The following HPSE2 variants were observed in gnomAD, a reference collection of about 807,000 sequenced individuals.
HPSE2 encodes the protein inactive heparanase-2.
A neutral mutation model predicts 60.5 loss-of-function variants in HPSE2; 38 were observed. That is an observed-to-expected ratio of 0.63 (90% CI 0.48 to 0.82). The LOEUF is 0.82. Ranked by LOEUF, HPSE2 falls within the 40% of genes least tolerant of loss-of-function variation. The pLI is 0.00. For synonymous variants in HPSE2, 295 were observed against 293.2 expected (o/e 1.01, Z -0.06); for missense variants, 713 against 740.4 (o/e 0.96, Z 0.43).
rs551015937 is a variant in HPSE2 at position 98,895,238 on chromosome 10, T to A, written c.611-151182A>T. 3.3e-4 allele frequency among the ~76,000 whole-genome samples: 50 copies of A among 152,258 alleles called. 1 individual carries two copies. In the South Asian group the frequency reaches 8.7e-3, roughly 27 times the overall value. ...TACAGCTGATCATACATATGATTTT[T>A]TCAGGTAAGAAAAAAATAGCATATA... On this transcript the variant is annotated intron_variant, in intron 3 of 11. Transcript: ENST00000370552.
rs138100751 is a variant in HPSE2, at chr10:99,097,950, T to C, written c.610+46288A>G. On this transcript the variant is annotated intron_variant, in intron 3 of 11. Coordinates refer to ENST00000370552, the MANE Select transcript of HPSE2 (RefSeq NM_021828.5). ...TCATGAAGTTGTCAAGACTCTGATG[T>C]GGCTAGGGCTTCTATGGCTATAACT... Among the ~76,000 whole-genome samples, 998 of 152,356 alleles carry C rather than the reference T, an allele frequency of 6.6e-3. 3 individuals are homozygous for C. Among genetic ancestry groups the C allele is most frequent in the Non-Finnish European group, 0.011 (757 of 68,026 alleles).
intron 3 of HPSE2, among the ~76,000 whole-genome samples, chr10:99,134,816 G>A (rs182032684): frequency 1.3e-5 from 2 of 152,136 alleles, no homozygotes; most frequent in East Asian, 3.9e-4. Context: ...ATCAACTAAT[G>A]GGCAAAACAA....
At chr10:98,765,578 G>A (rs1195343330) in intron 3 of HPSE2, among the ~76,000 whole-genome samples, 1 of 152,130 alleles carries the variant, frequency 6.6e-6, no homozygotes, top group South Asian at 2.1e-4. Flanking sequence ...GGTGGCTCAC[G>A]TCTGTAATCC....
chr10:98,974,152 T>C (rs762607471), intron 3 of HPSE2, among the ~76,000 whole-genome samples: 26 of 151,708 alleles, frequency 1.7e-4, no homozygotes, highest in Non-Finnish European at 3.7e-4. Flanking sequence ...ATTAGCCAGG[T>C]GTGGTGGTGT....
At chr10:98,927,433 A>C (rs1331256165) in intron 3 of HPSE2, among the ~76,000 whole-genome samples, 1 of 150,874 alleles carries the variant, frequency 6.6e-6, no homozygotes, top group Non-Finnish European at 1.5e-5. Context: ...TATAGATTCA[A>C]TGCCATCCCC....
intron 3 of HPSE2, among the ~76,000 whole-genome samples, chr10:98,800,331 T>C (rs550588296): frequency 3.3e-5 from 5 of 151,394 alleles, no homozygotes; most frequent in Non-Finnish European, 7.4e-5. Context: ...ATTGCACCAC[T>C]GCACTCTACC....
At chr10:98,513,097 G>A (rs185247812) in intron 9 of HPSE2, among the ~76,000 whole-genome samples, 4 of 152,246 alleles carry the variant, frequency 2.6e-5, no homozygotes, top group African/African-American at 9.6e-5. Flanking sequence ...TTTTCTCACA[G>A]ATGTATCCCT....
chr10:98,512,194 T>A (rs1276829885), intron 9 of HPSE2, among the ~76,000 whole-genome samples: 1 of 152,202 alleles, frequency 6.6e-6, no homozygotes. Flanking sequence ...GACTTAAGCA[T>A]CTTTGGAAAT....
At chr10:99,311,457 AT>A in the HPSE2 span, among the ~76,000 whole-genome samples, 1 of 152,090 alleles carries the variant, frequency 6.6e-6, no homozygotes, top group East Asian at 1.9e-4. Flanking sequence ...CATTATGATT[AT>A]TATGTTTGTT....
At chr10:98,820,581 C>A (rs1951401403) in intron 3 of HPSE2, among the ~76,000 whole-genome samples, 2 of 152,172 alleles carry the variant, frequency 1.3e-5, no homozygotes, top group Admixed American at 1.3e-4. Context: ...GTATGGCCTT[C>A]TATCAAAAGA....
At chr10:99,161,218 T>G (rs1259702843) in intron 2 of HPSE2, among the ~76,000 whole-genome samples, 1 of 132,814 alleles carries the variant, frequency 7.5e-6, no homozygotes, top group South Asian at 2.4e-4. Flanking sequence ...GAGACTCTGT[T>G]AAAAAAAAAA....
chr10:99,238,774 T>C (rs1045025009), upstream of HPSE2, among the ~76,000 whole-genome samples: 1 of 152,228 alleles, frequency 6.6e-6, no homozygotes, highest in African/African-American at 2.4e-5. Flanking sequence ...GTTTCTATCC[T>C]ATCTTCTGTG....
At chr10:99,035,750 G>A (rs1400933339) in intron 3 of HPSE2, among the ~76,000 whole-genome samples, 1 of 152,180 alleles carries the variant, frequency 6.6e-6, no homozygotes, top group Non-Finnish European at 1.5e-5. Context: ...TTTTCAGGCA[G>A]GAATTTTTCT....
At chr10:99,160,756 G>A (rs573905956) in intron 2 of HPSE2, among the ~76,000 whole-genome samples, 61 of 151,228 alleles carry the variant, frequency 4.0e-4, no homozygotes, top group Admixed American at 2.8e-3. Flanking sequence ...AAAATTAGCC[G>A]GGCGTAGTGG....
chr10:99,218,175 A>C (rs1178083596), intron 2 of HPSE2, among the ~76,000 whole-genome samples: 1 of 151,778 alleles, frequency 6.6e-6, no homozygotes, highest in Non-Finnish European at 1.5e-5. Context: ...CCCATCCTAC[A>C]GGTAAGTAAC....
intron 3 of HPSE2, among the ~76,000 whole-genome samples, chr10:99,010,352 A>G (rs1956984855): frequency 6.6e-6 from 1 of 152,212 alleles, no homozygotes; most frequent in Non-Finnish European, 1.5e-5. Context: ...TTTGCCTAGA[A>G]GCAATAATAA....
At chr10:99,281,776 C>A in the HPSE2 span, among the ~76,000 whole-genome samples, 1 of 152,052 alleles carries the variant, frequency 6.6e-6, no homozygotes, top group African/African-American at 2.4e-5. Flanking sequence ...CCCTGTAGAT[C>A]ATGGTAAACA....
intron 6 of HPSE2, among the ~76,000 whole-genome samples, chr10:98,643,598 C>T (rs1192484910): frequency 6.6e-6 from 1 of 152,098 alleles, no homozygotes; most frequent in East Asian, 1.9e-4. Context: ...TAGTGCTGGG[C>T]ATATCCATGT....
chr10:99,042,454 G>A (rs1490480099), intron 3 of HPSE2, among the ~76,000 whole-genome samples: 2 of 151,848 alleles, frequency 1.3e-5, no homozygotes, highest in African/African-American at 2.4e-5. Context: ...CAACCACTAC[G>A]GTCCCCATTC....
Sources: gnomAD v4.1 joint callset for allele counts (sites outside exome capture counted in the v4.1 genomes callset) on GRCh38, gnomAD v4.1.1 for gene constraint, MANE v1.5 for transcripts, NCBI Gene and HGNC (gene_info 2026-07-23, HGNC 2026-07-21) for gene names.